The following AK5 variants were observed in gnomAD, a reference collection of about 807,000 sequenced individuals.
AK5 encodes the protein adenylate kinase isoenzyme 5.
Under a neutral mutation model 69.5 loss-of-function variants are expected in AK5, and 27 were observed. That is an observed-to-expected ratio of 0.39 (90% CI 0.29 to 0.54). AK5 has a LOEUF of 0.54. Among genes scored for constraint, AK5 ranks in the 20% least tolerant of loss-of-function variants. AK5 has a pLI of 0.71. For missense variants in AK5, 531 were observed against 700.4 expected (o/e 0.76, Z 2.73); for synonymous variants, 260 against 244.4 (o/e 1.06, Z -0.60).
chr1:77,527,895 A>G (rs1305142220), intron 12 of AK5, among the ~76,000 whole-genome samples: 1 of 152,224 alleles, frequency 6.6e-6, no homozygotes, highest in Non-Finnish European at 1.5e-5. Flanking sequence ...CCCCGTCTCT[A>G]CTAAAAATAC....
At chr1:77,297,295 A>T (rs1659065857) in intron 3 of AK5, among the ~76,000 whole-genome samples, 2 of 152,270 alleles carry the variant, frequency 1.3e-5, no homozygotes, top group Admixed American at 1.3e-4. Context: ...CTGTTCAAAA[A>T]TTTTTTTAAT....
chr1:77,298,980 T>TA (rs1256120419), intron 5 of AK5, among the ~76,000 whole-genome samples: 1 of 152,238 alleles, frequency 6.6e-6, no homozygotes, highest in Non-Finnish European at 1.5e-5. Flanking sequence ...GTTTGTTATA[T>TA]ATTCTTCCAG....
At chr1:77,544,650 G>A (rs1051575933) in intron 13 of AK5, among the ~76,000 whole-genome samples, 6 of 151,640 alleles carry the variant, frequency 4.0e-5, no homozygotes, top group South Asian at 2.1e-4. Context: ...CTTTACCTCC[G>A]TATCTTGCCC....
intron 8 of AK5, among the ~76,000 whole-genome samples, chr1:77,471,427 T>G (rs981776724): frequency 2.6e-5 from 4 of 152,320 alleles, no homozygotes; most frequent in South Asian, 2.1e-4. Context: ...GACAGAAACA[T>G]TCATTCAGGG....
chr1:77,439,821 T>G (rs1652208522), intron 8 of AK5, among the ~76,000 whole-genome samples: 1 of 151,876 alleles, frequency 6.6e-6, no homozygotes, highest in African/African-American at 2.4e-5. Context: ...TATATATGTA[T>G]GTATGTATAT....
intron 6 of AK5, among the ~76,000 whole-genome samples, chr1:77,381,527 G>C (rs566714809): frequency 3.3e-4 from 50 of 152,298 alleles, no homozygotes; most frequent in African/African-American, 1.2e-3. Flanking sequence ...ACATGGTCCT[G>C]CTTTGAAAGA....
At chr1:77,366,819 G>A (rs568634585) in intron 6 of AK5, among the ~76,000 whole-genome samples, 7 of 151,966 alleles carry the variant, frequency 4.6e-5, no homozygotes, top group Admixed American at 3.3e-4. Context: ...GGTTGTCACC[G>A]GGCTACAATG....
chr1:77,499,474 A>G (rs1251384331), intron 10 of AK5, among the ~76,000 whole-genome samples: 1 of 152,138 alleles, frequency 6.6e-6, no homozygotes, highest in Admixed American at 6.6e-5. Flanking sequence ...GCATCCACCC[A>G]TCACCACCGG....
At chr1:77,388,927 T>A (rs1005631186) in intron 6 of AK5, among the ~76,000 whole-genome samples, 1 of 151,762 alleles carries the variant, frequency 6.6e-6, no homozygotes, top group Non-Finnish European at 1.5e-5. Context: ...ATCAGGGAAG[T>A]GGAGGAAAGT....
intron 11 of AK5, among the ~76,000 whole-genome samples, chr1:77,519,652 A>G (rs1657871254): frequency 6.6e-6 from 1 of 152,272 alleles, no homozygotes; most frequent in Non-Finnish European, 1.5e-5. Flanking sequence ...TTATTTCTTG[A>G]TGATATGCTA....
At chr1:77,293,627 T>C in intron 2 of AK5, 166 bp from the exon 3 acceptor site, 1 of 566,308 alleles carries the variant, frequency 1.8e-6, no homozygotes, top group Non-Finnish European at 3.0e-6. Context: ...ATATTGACTA[T>C]CTGACCCTTT....
intron 6 of AK5, among the ~76,000 whole-genome samples, chr1:77,398,424 C>T (rs753263685): frequency 6.6e-5 from 10 of 152,240 alleles, no homozygotes; most frequent in Admixed American, 4.6e-4. Flanking sequence ...TAACGAATTT[C>T]TTTAGTTTGG....
Position 77,286,994 on chromosome 1 carries a change from G to A in AK5, c.114G>A (p.Leu38=), listed in dbSNP as rs1658393434. The change falls in exon 2 of 14, where the codon TTG becomes TTA. Residue 38 remains leucine (L), a synonymous_variant. Transcript: ENST00000354567. ...AGCCCGAAGATCCAGTAGAATACTTGGAAAGTTGTTTACAAAAAGTAAAGG... is the reference window on the plus strand; with the variant it reads ...AGCCCGAAGATCCAGTAGAATACTTAGAAAGTTGTTTACAAAAAGTAAAGG... ...CSKPEDPVEY[L]ESCLQKVKEL... is the part of the protein sequence containing the mutation. 6.2e-7 allele frequency: 1 copy of A among 1,606,242 alleles called. No individual in the cohort carries two copies. Among genetic ancestry groups the A allele is most frequent in the South Asian group, 1.1e-5 (1 of 89,980 alleles).
chr1:77,470,846 TATATATATATATATATATATATA>T lies in AK5; in HGVS notation c.1060-12470_1060-12448del, dbSNP rs1303474566. On this transcript the variant is annotated intron_variant, in intron 8 of 13. Coordinates refer to ENST00000354567, the MANE Select transcript of AK5 (RefSeq NM_174858.3). ...TTTAGAATATATATATATATATATA[TATATATATATATATATATATATA>T]TATATATTTTTTTTTTTTTTTTTTT... is the stretch of plus-strand genomic sequence containing the variant. Among the ~76,000 whole-genome samples, 236 of 27,162 alleles carry T rather than the reference TATATATATATATATATATATATA, an allele frequency of 8.7e-3. 27 individuals are homozygous for T. The highest frequency in any genetic ancestry group is 0.036 in the East Asian group (14 of 386). 17.8% of individuals were successfully genotyped at this position (27,162 alleles called of 152,430 possible).
At chr1:77,437,064 T>C (rs969451437) in intron 8 of AK5, among the ~76,000 whole-genome samples, 1 of 152,156 alleles carries the variant, frequency 6.6e-6, no homozygotes, top group East Asian at 1.9e-4. Flanking sequence ...AAGATAAATG[T>C]AAAACTGCCT....
At chr1:77,430,595 A>G (rs1391196358) in intron 8 of AK5, among the ~76,000 whole-genome samples, 1 of 152,204 alleles carries the variant, frequency 6.6e-6, no homozygotes, top group Non-Finnish European at 1.5e-5. Flanking sequence ...GATGAGATAG[A>G]GAAAGAAAAC....
chr1:77,338,783 A>T (rs552486929), intron 5 of AK5, among the ~76,000 whole-genome samples: 12 of 152,354 alleles, frequency 7.9e-5, no homozygotes, highest in African/African-American at 2.9e-4. Context: ...ACTAAGAGAT[A>T]GTAAATGTGG....
intron 6 of AK5, among the ~76,000 whole-genome samples, chr1:77,399,006 G>C (rs1649019080): frequency 6.6e-6 from 1 of 152,092 alleles, no homozygotes; most frequent in Non-Finnish European, 1.5e-5. Context: ...TTTTGATTGA[G>C]AAGCAATGCA....
chr1:77,490,013 C>T (rs1242368135), intron 10 of AK5, among the ~76,000 whole-genome samples: 1 of 152,202 alleles, frequency 6.6e-6, no homozygotes, highest in Non-Finnish European at 1.5e-5. Context: ...TCCTCCTCTG[C>T]GCTCCTCCTC....
Sources: gnomAD v4.1 joint callset for allele counts (sites outside exome capture counted in the v4.1 genomes callset) on GRCh38, gnomAD v4.1.1 for gene constraint, MANE v1.5 for transcripts, NCBI Gene and HGNC (gene_info 2026-07-23, HGNC 2026-07-21) for gene names.